The following ABCA8 variants were observed in gnomAD, a reference collection of about 807,000 sequenced individuals.
ABCA8 encodes ABC-type organic anion transporter ABCA8.
ABCA8 carries 177 observed loss-of-function variants against 192.3 expected under a neutral mutation model. The observed-to-expected ratio is 0.92, with a 90% CI of 0.81 to 1.04. The LOEUF is 1.04. ABCA8 is among the 50% of genes least tolerant of loss of function. ABCA8 has a pLI of 0.00. For synonymous variants in ABCA8, 642 were observed against 690.2 expected (o/e 0.93, Z 1.09); for missense variants, 1,915 against 1,904.8 (o/e 1.01, Z -0.10).
chr17:68,901,906 C>T (rs2066924066), intron 21 of ABCA8, among the ~76,000 whole-genome samples: 1 of 151,018 alleles, frequency 6.6e-6, no homozygotes, highest in African/African-American at 2.4e-5. Flanking sequence ...AAAGGGTAAA[C>T]ATAGTTACCA....
At chr17:68,938,015 C>T (rs1010343329) in intron 4 of ABCA8, among the ~76,000 whole-genome samples, 2 of 152,060 alleles carry the variant, frequency 1.3e-5, no homozygotes, top group East Asian at 1.9e-4. Flanking sequence ...GAGGTAATGT[C>T]GAGAAGCACA....
chr17:68,949,533 T>A (rs1372641032), intron 1 of ABCA8, 61 bp from the exon 2 acceptor site: 2 of 152,152 alleles, frequency 1.3e-5, no homozygotes, highest in African/African-American at 4.8e-5. Flanking sequence ...AATATCGATG[T>A]GAAAATCGTC....
chr17:68,930,453 A>G (rs1427931262), intron 7 of ABCA8, among the ~76,000 whole-genome samples: 1 of 152,086 alleles, frequency 6.6e-6, no homozygotes, highest in Admixed American at 6.5e-5. Context: ...TTCCTCATCA[A>G]TTTCTTTTCT....
chr17:68,867,869 A>G lies in ABCA8; in HGVS notation c.*216T>C. ...GAACAATGGAACCAGTATGGCCTGC[A>G]GAGATACAGAGGCTGTGAGAGGAGG... On this transcript the variant is annotated 3_prime_UTR_variant, in exon 40 of 40. Transcript: ENST00000586539. 1 of 495,664 alleles carries G rather than the reference A, an allele frequency of 2.0e-6. No individual in the cohort carries two copies. Among genetic ancestry groups the G allele is most frequent in the Non-Finnish European group, 3.6e-6 (1 of 280,430 alleles). The allele number at this position is 495,664 out of a possible 1,614,324, so 30.7% of individuals were successfully genotyped here.
rs746856600 is a variant in ABCA8 at position 68,875,281 on chromosome 17, G to C, written c.4610C>G (p.Pro1537Arg). The change falls in exon 37 of 40, where the codon CCC becomes CGC. Residue 1537 changes from proline to arginine, a missense_variant. Transcript: ENST00000586539. ...TTACCTTTCCTGCCGAGCAGCCTGG[G>C]GGAAAAGCCTCAGGATCTCTGCATG... is the stretch of plus-strand genomic sequence containing the variant. ...PLHAEILRLF[P>R]QAARQERYSS... 12 of 1,613,874 alleles carry C rather than the reference G, an allele frequency of 7.4e-6. No homozygotes were observed. Among genetic ancestry groups the C allele is most frequent in the East Asian group, 2.2e-5 (1 of 44,888 alleles).
chr17:68,885,119 A>G (rs2066425473), intron 27 of ABCA8, 77 bp downstream of exon 27: 4 of 1,451,664 alleles, frequency 2.8e-6, no homozygotes, highest in Non-Finnish European at 3.7e-6. Context: ...ATGTTGTAGT[A>G]GACCTTCAAC....
chr17:68,953,382 C>T (rs1446556100), intron 1 of ABCA8, among the ~76,000 whole-genome samples: 3 of 152,182 alleles, frequency 2.0e-5, no homozygotes, highest in African/African-American at 2.4e-5. Context: ...AGTGAATGAG[C>T]CCCAACTGAA....
chr17:68,878,147 A>G (rs994900068), intron 32 of ABCA8: 1 of 153,096 alleles, frequency 6.5e-6, no homozygotes, highest in Non-Finnish European at 1.5e-5. Context: ...ATAAACAAGT[A>G]GAGAAATGAA....
chr17:68,902,015 C>T (rs73357307), intron 21 of ABCA8, among the ~76,000 whole-genome samples: 21,070 of 151,976 alleles, frequency 0.14, 1,562 homozygotes, highest in African/African-American at 0.19. Flanking sequence ...CAGCATTTTT[C>T]GTAATATCCA....
intron 5 of ABCA8, among the ~76,000 whole-genome samples, chr17:68,935,570 T>TATATATATATATATATATA (rs1389554406): frequency 5.2e-4 from 25 of 48,392 alleles, no homozygotes; most frequent in Non-Finnish European, 9.6e-4. Context: ...ATATATATAT[T>TATATATATATATATATATA]ATCTTCTTTA....
chr17:68,932,372 T>A lies in ABCA8; in HGVS notation c.713A>T (p.Tyr238Phe). 1 of 1,614,050 alleles carries A rather than the reference T, an allele frequency of 6.2e-7. No individual in the cohort carries two copies. Residue 238 changes from tyrosine to phenylalanine, a missense_variant, in exon 7 of 40, where the codon TAC becomes TTC. Physicochemically the swap from Tyr to Phe is conservative, Grantham distance 22. Coordinates refer to ENST00000586539, the MANE Select transcript of ABCA8 (RefSeq NM_001288985.2). Reference protein sequence around the residue: ...SCIISFSSFIYYASVNVTRER... With the variant: ...SCIISFSSFIFYASVNVTRER... Reference sequence around the variant, plus strand: ...TCTTGTGACATTAACAGATGCATAGTAAATGAATGAGGAAAATGAAATAAT... The same window carrying A: ...TCTTGTGACATTAACAGATGCATAGAAAATGAATGAGGAAAATGAAATAAT...
chr17:68,885,441 A>G (rs1369054247), intron 26 of ABCA8, 126 bp from the exon 27 acceptor site: 3 of 900,290 alleles, frequency 3.3e-6, no homozygotes, highest in Non-Finnish European at 4.9e-6. Flanking sequence ...AAATCAGTAT[A>G]TCTCCATTAA....
At chr17:68,928,861 A>G (rs1018215841) in intron 9 of ABCA8, among the ~76,000 whole-genome samples, 188 bp downstream of exon 9, 15 of 152,136 alleles carry the variant, frequency 9.9e-5, no homozygotes, top group African/African-American at 3.6e-4. Context: ...TTCACTTTCC[A>G]AATGTCTTAT....
chr17:68,873,142 T>C (rs2066110691), intron 37 of ABCA8, among the ~76,000 whole-genome samples: 1 of 152,236 alleles, frequency 6.6e-6, no homozygotes, highest in Non-Finnish European at 1.5e-5. Context: ...TCATGGTAAG[T>C]GCCCTATACA....
chr17:68,950,375 C>T (rs2068537708), intron 1 of ABCA8, among the ~76,000 whole-genome samples: 2 of 152,224 alleles, frequency 1.3e-5, no homozygotes, highest in Middle Eastern at 3.4e-3. Context: ...AAAGAGCCCG[C>T]GTAGCCAAAA....
intron 1 of ABCA8, among the ~76,000 whole-genome samples, chr17:68,952,793 A>C (rs1013167341): frequency 2.6e-5 from 4 of 152,156 alleles, no homozygotes; most frequent in African/African-American, 7.2e-5. Context: ...ACCAGAGAGG[A>C]GAAGTACAGC....
intron 19 of ABCA8, among the ~76,000 whole-genome samples, chr17:68,904,981 T>C (rs2067026557): frequency 6.6e-6 from 1 of 152,204 alleles, no homozygotes; most frequent in Non-Finnish European, 1.5e-5. Context: ...TAGAGAAATA[T>C]ATAGAATTTT....
intron 16 of ABCA8, 44 bp from the exon 17 acceptor site, chr17:68,917,495 G>A (rs560134673): frequency 1.4e-6 from 2 of 1,427,618 alleles, no homozygotes; most frequent in African/African-American, 2.9e-5. Flanking sequence ...TTAAAAAGTG[G>A]CCCATCCATT....
At chr17:68,907,408 A>C (rs1387499149) in intron 18 of ABCA8, among the ~76,000 whole-genome samples, 1 of 152,008 alleles carries the variant, frequency 6.6e-6, no homozygotes, top group Non-Finnish European at 1.5e-5. Flanking sequence ...GCCACATCAC[A>C]GGGCTGTTTA....
Sources: gnomAD v4.1 joint callset for allele counts (sites outside exome capture counted in the v4.1 genomes callset) on GRCh38, gnomAD v4.1.1 for gene constraint, MANE v1.5 for transcripts, NCBI Gene and HGNC (gene_info 2026-07-23, HGNC 2026-07-21) for gene names.